PHACTR2: variants seen among roughly 807,000 people sequenced by gnomAD.
The protein encoded by PHACTR2 is chromosome 6 open reading frame 56.
In PHACTR2, 30 loss-of-function variants were observed where a neutral mutation model predicts 76.0. The ratio of observed to expected loss-of-function variants is 0.39; its 90% CI spans 0.30 to 0.54. The LOEUF (loss-of-function observed/expected upper bound fraction) is 0.54, where lower values mean the gene tolerates loss of function less well. Among genes scored for constraint, PHACTR2 ranks in the 20% least tolerant of loss-of-function variants. The pLI is 0.61. For missense variants in PHACTR2, 696 were observed against 781.1 expected (o/e 0.89, Z 1.30); for synonymous variants, 292 against 292.5 (o/e 1.00, Z 0.02).
rs1288190225 is a variant in PHACTR2, at chr6:143,709,030, A to T, written c.47-2986A>T. Among the ~76,000 whole-genome samples the T allele has an allele frequency of 6.6e-6, 1 of 152,228 alleles. No homozygotes were observed. The highest frequency in any genetic ancestry group is 1.5e-5 in the Non-Finnish European group (1 of 68,032). On this transcript the variant is annotated intron_variant, in intron 1 of 12. Coordinates refer to ENST00000440869, the MANE Select transcript of PHACTR2 (RefSeq NM_001100164.2). The surrounding 1 kb of genome is among the most constrained non-coding windows in gnomAD (Gnocchi z 4.4). ...AAGTTGTTCAAAGTTAAGCCCTTCC[A>T]TGAGAGTTCAGCACAAAGTCTTCAT... is the stretch of plus-strand genomic sequence containing the variant.
chr6:143,657,960 G>A (rs961058479), intron 1 of PHACTR2, among the ~76,000 whole-genome samples: 7 of 152,118 alleles, frequency 4.6e-5, no homozygotes, highest in Non-Finnish European at 7.3e-5. Flanking sequence ...CTGAGGGGGG[G>A]TCCAGGCAGC....
intron 1 of PHACTR2, among the ~76,000 whole-genome samples, chr6:143,668,959 T>G (rs1388134006): frequency 6.6e-6 from 1 of 152,198 alleles, no homozygotes; most frequent in Non-Finnish European, 1.5e-5. Flanking sequence ...TTAATTGTGA[T>G]GTTAGGGTGT....
In PHACTR2 at chr6:143,807,137, G is replaced by A; in HGVS notation, c.1922+4G>A. ...AAGAGAGTCGACAGTTTACAAGGTAGGTGACAAAATGCAGCTTAGAAATTG... is the reference window on the plus strand; with the variant it reads ...AAGAGAGTCGACAGTTTACAAGGTAAGTGACAAAATGCAGCTTAGAAATTG... On this transcript the variant is annotated splice_donor_region_variant and intron_variant, in intron 12 of 12. Coordinates refer to ENST00000440869, the MANE Select transcript of PHACTR2 (RefSeq NM_001100164.2). This position sits in a 1 kb window ranked among gnomAD's most constrained non-coding sequence, Gnocchi z 5.5. 1 of 1,574,148 alleles carries A rather than the reference G, an allele frequency of 6.4e-7. No individual in the cohort carries two copies. Among genetic ancestry groups the A allele is most frequent in the Non-Finnish European group, 8.7e-7 (1 of 1,148,602 alleles).
intron 1 of PHACTR2, among the ~76,000 whole-genome samples, chr6:143,542,351 C>T (rs1781179017): frequency 6.6e-6 from 1 of 152,138 alleles, no homozygotes; most frequent in Admixed American, 6.5e-5. Flanking sequence ...TACCAAGTTA[C>T]CATAGCAGCT....
In PHACTR2 at chr6:143,783,203, C is replaced by G; in HGVS notation, c.1646-16C>G. The G allele has an allele frequency of 4.5e-6, 7 of 1,567,550 alleles. No homozygotes were observed. The highest frequency in any genetic ancestry group is 4.5e-5 in the East Asian group (2 of 44,576). On this transcript the variant is annotated splice_polypyrimidine_tract_variant and intron_variant, in intron 9 of 12. Coordinates refer to ENST00000440869, the MANE Select transcript of PHACTR2 (RefSeq NM_001100164.2). The surrounding 1 kb of genome is among the most constrained non-coding windows in gnomAD (Gnocchi z 5.2). ...TATAGTAACTGTCATCACGACTTTC[C>G]TCCTTTAATAAACAGAAAAGAATGA... is the stretch of plus-strand genomic sequence containing the variant.
Position 143,787,890 on chromosome 6 carries a change from A to G in PHACTR2, c.1708-883A>G, listed in dbSNP as rs1297721019. ...ATGGCTACAATAGAGGTCTAAGTCT[A>G]CCTCTCTGGAGATAACTGTGATACC... On this transcript the variant is annotated intron_variant, in intron 10 of 12. Transcript: ENST00000440869. This position sits in a 1 kb window ranked among gnomAD's most constrained non-coding sequence, Gnocchi z 4.6. Among the ~76,000 whole-genome samples, 2 of 152,196 alleles carry G rather than the reference A, an allele frequency of 1.3e-5. No homozygotes were observed. Among genetic ancestry groups the G allele is most frequent in the African/African-American group, 4.8e-5 (2 of 41,446 alleles).
chr6:143,720,510 T>C (rs1778414400), intron 2 of PHACTR2, among the ~76,000 whole-genome samples: 1 of 152,204 alleles, frequency 6.6e-6, no homozygotes. Context: ...GCATGCACTT[T>C]CAGTAATGGT....
intron 11 of PHACTR2, among the ~76,000 whole-genome samples, chr6:143,792,430 C>G (rs1274686376): frequency 6.6e-6 from 1 of 152,016 alleles, no homozygotes; most frequent in African/African-American, 2.4e-5. Flanking sequence ...CAGTTGTGGG[C>G]TTCTGGTCAT....
intron 1 of PHACTR2, among the ~76,000 whole-genome samples, chr6:143,634,430 G>A (rs1361583769): frequency 6.6e-6 from 1 of 152,134 alleles, no homozygotes; most frequent in African/African-American, 2.4e-5. Flanking sequence ...ATTTTGATAT[G>A]TGCCATTGTA....
intron 1 of PHACTR2, among the ~76,000 whole-genome samples, chr6:143,699,699 T>G (rs1486208717): frequency 6.6e-6 from 1 of 152,200 alleles, no homozygotes; most frequent in Non-Finnish European, 1.5e-5. Context: ...AGCCATACCC[T>G]TGTAGAGGTT....
chr6:143,713,066 C>G (rs1418087227), intron 2 of PHACTR2, among the ~76,000 whole-genome samples: 1 of 152,166 alleles, frequency 6.6e-6, no homozygotes, highest in East Asian at 1.9e-4. Context: ...GCACCACAGT[C>G]TAATATTGTT....
rs1776283260 is a variant in PHACTR2, at chr6:143,627,650, G to T, written c.13+19328G>T. ...GAAGTCTCGCTCTGTCACCCAGGCT[G>T]GAATGCAGTGGCACGATCTCGGCTC... On this transcript the variant is annotated intron_variant, in intron 1 of 11. Coordinates refer to the PHACTR2 transcript ENST00000305766. This position sits in a 1 kb window ranked among gnomAD's most constrained non-coding sequence, Gnocchi z 4.3. Among the ~76,000 whole-genome samples the T allele has an allele frequency of 6.7e-6, 1 of 149,724 alleles. No homozygotes were observed.
chr6:143,784,230 C>T lies in PHACTR2; in HGVS notation c.1707+950C>T, dbSNP rs1775499511. ...TAAGTGAACTTGATCATCCAGCCTG[C>T]CTGCTACAGTGCTACCCAGATTGAC... On this transcript the variant is annotated intron_variant, in intron 10 of 12. Transcript: ENST00000440869. This position sits in a 1 kb window ranked among gnomAD's most constrained non-coding sequence, Gnocchi z 4.5. Among the ~76,000 whole-genome samples the T allele has an allele frequency of 6.6e-6, 1 of 152,180 alleles. No individual in the cohort carries two copies. The highest frequency in any genetic ancestry group is 2.4e-5 in the African/African-American group (1 of 41,442).
At chr6:143,634,017 G>T (rs1776408830) in intron 1 of PHACTR2, among the ~76,000 whole-genome samples, 1 of 152,164 alleles carries the variant, frequency 6.6e-6, no homozygotes, top group Non-Finnish European at 1.5e-5. Flanking sequence ...ACTAGTCAGT[G>T]CAGGTATGCC....
chr6:143,635,951 TA>T (rs201760859), intron 1 of PHACTR2, among the ~76,000 whole-genome samples: 2,122 of 152,320 alleles, frequency 0.014, 46 homozygotes, highest in African/African-American at 0.048. Flanking sequence ...CTCATGCCTG[TA>T]ATTCCAGCAC....
rs1037969077 is a variant in PHACTR2, at chr6:143,561,426, T to C, written c.217+24219T>C. On this transcript the variant is annotated intron_variant, in intron 1 of 11. Coordinates refer to the PHACTR2 transcript ENST00000367584. This position sits in a 1 kb window ranked among gnomAD's most constrained non-coding sequence, Gnocchi z 4.1. ...TGGAGAAGAACGTTCAGGAAGAAAT[T>C]TTGTGGTGATCACCACCCAGGTCCT... 1 of 152,230 alleles carries C rather than the reference T, an allele frequency of 6.6e-6. No homozygotes were observed. The highest frequency in any genetic ancestry group is 6.5e-5 in the Admixed American group (1 of 15,286). 9.4% of individuals were successfully genotyped at this position (152,230 alleles called of 1,614,324 possible).
At chr6:143,745,201 G>A (rs1582834118) in intron 2 of PHACTR2, among the ~76,000 whole-genome samples, 1 of 152,260 alleles carries the variant, frequency 6.6e-6, no homozygotes, top group African/African-American at 2.4e-5. Context: ...GGGATACTTG[G>A]GATCAGATTC....
intron 2 of PHACTR2, among the ~76,000 whole-genome samples, chr6:143,712,677 AT>A (rs1367618405): frequency 1.3e-5 from 2 of 152,050 alleles, no homozygotes; most frequent in African/African-American, 4.8e-5. Context: ...GTATTTTTTG[AT>A]GTATTTATTC....
chr6:143,643,206 A>G (rs988747659), intron 1 of PHACTR2, among the ~76,000 whole-genome samples: 2 of 152,148 alleles, frequency 1.3e-5, no homozygotes, highest in Admixed American at 6.5e-5. Flanking sequence ...TTTGCAAAAA[A>G]TATTTCATAA....
Sources: allele counts gnomAD v4.1 joint callset (sites outside exome capture counted in the v4.1 genomes callset), GRCh38; gene constraint gnomAD v4.1.1; non-coding constraint Gnocchi (gnomAD v3.1); transcripts MANE v1.5; gene names NCBI Gene and HGNC (gene_info 2026-07-23, HGNC 2026-07-21).